The following SMAD3 variants were observed in gnomAD, a reference collection of about 807,000 sequenced individuals.
The protein encoded by SMAD3 is MAD homolog 3.
A neutral mutation model predicts 51.8 loss-of-function variants in SMAD3; 12 were observed. The ratio of observed to expected loss-of-function variants is 0.23; its 90% confidence interval spans 0.15 to 0.38. The LOEUF is 0.38. Among genes scored for constraint, SMAD3 ranks in the 10% least tolerant of loss-of-function variants. The probability of loss-of-function intolerance (pLI) is 1.00; values close to 1 mark genes in which losing one functional copy is unlikely to be tolerated. For missense variants in SMAD3, 294 were observed against 565.6 expected (o/e 0.52, Z 4.87); for synonymous variants, 238 against 227.7 (o/e 1.05, Z -0.41).
intron 1 of SMAD3, among the ~76,000 whole-genome samples, chr15:67,158,132 C>T (rs1962333448): frequency 6.6e-6 from 1 of 152,128 alleles, no homozygotes; most frequent in African/African-American, 2.4e-5. Flanking sequence ...TTTCTGCAAC[C>T]AAGTATATTT....
At chr15:67,128,835 A>G (rs576952287) in intron 1 of SMAD3, among the ~76,000 whole-genome samples, 21 of 152,130 alleles carry the variant, frequency 1.4e-4, no homozygotes, top group Non-Finnish European at 2.6e-4. Flanking sequence ...TCTGCCTCCA[A>G]AAGTGCCAGG....
Position 67,115,240 on chromosome 15 carries a change from C to T in SMAD3, c.206+48880C>T, listed in dbSNP as rs150648430. 3.3e-3 allele frequency among the ~76,000 whole-genome samples: 446 copies of T among 134,652 alleles called. 3 individuals carry two copies. The highest frequency in any genetic ancestry group is 0.011 in the African/African-American group (427 of 39,802). 88.3% of individuals were successfully genotyped at this position (134,652 alleles called of 152,430 possible). ...GTGCTTCATTACAAAGATGATGAGACGTAGGAAAGTCTTTTTTTTTTTCCC... is the reference window on the plus strand; with the variant it reads ...GTGCTTCATTACAAAGATGATGAGATGTAGGAAAGTCTTTTTTTTTTTCCC... On this transcript the variant is annotated intron_variant, in intron 1 of 8. Transcript: ENST00000327367.
At position 67,190,955 on chromosome 15, in the gene SMAD3, G is replaced by T. The variant is rs78329172; in HGVS notation, c.*419G>T. ...TGGAAGGGCGTTCTAGGTAGGAAGA[G>T]CCCGCAGGGCCATGCAGACCTCATG... is the stretch of plus-strand genomic sequence containing the variant. On this transcript the variant is annotated 3_prime_UTR_variant, in exon 9 of 9. Coordinates refer to ENST00000327367, the MANE Select transcript of SMAD3 (RefSeq NM_005902.4). 6.4e-3 allele frequency: 1,856 copies of T among 288,746 alleles called. 34 individuals are homozygous for T. The highest frequency in any genetic ancestry group is 0.036 in the African/African-American group (1,736 of 47,922). The allele number at this position is 288,746 out of a possible 1,614,324, so 17.9% of individuals were successfully genotyped here.
At chr15:67,175,805 C>T (rs1488293820) in intron 5 of SMAD3, among the ~76,000 whole-genome samples, 1 of 152,206 alleles carries the variant, frequency 6.6e-6, no homozygotes. Flanking sequence ...TGGACGGCGG[C>T]CCAGGGCAGA....
intron 1 of SMAD3, among the ~76,000 whole-genome samples, chr15:67,164,408 G>C (rs1005932199): frequency 2.0e-5 from 3 of 151,656 alleles, no homozygotes; most frequent in African/African-American, 4.8e-5. Context: ...GAAGACCTGA[G>C]TGAATGAGGG....
intron 1 of SMAD3, among the ~76,000 whole-genome samples, chr15:67,119,294 C>T (rs1358949889): frequency 6.6e-6 from 1 of 152,202 alleles, no homozygotes; most frequent in Non-Finnish European, 1.5e-5. Context: ...GTTTTAGATT[C>T]TGTAACCTGG....
In SMAD3 at chr15:67,192,866, C is replaced by T. The variant is rs555997375; in HGVS notation, c.*2330C>T. 5.6e-5 allele frequency: 13 copies of T among 233,384 alleles called. No homozygotes were observed. The highest frequency in any genetic ancestry group is 5.4e-4 in the South Asian group (3 of 5,530). 14.5% of individuals were successfully genotyped at this position (233,384 alleles called of 1,614,324 possible). ...TGTCTTAGAACCCTCATTGCTCAGA[C>T]CTGAAGGCTACTTCTAGGAGCATGA... On this transcript the variant is annotated 3_prime_UTR_variant, in exon 9 of 9. Transcript: ENST00000327367.
intron 1 of SMAD3, among the ~76,000 whole-genome samples, chr15:67,083,401 T>C (rs1017387713): frequency 1.3e-5 from 2 of 152,262 alleles, no homozygotes; most frequent in African/African-American, 4.8e-5. Flanking sequence ...CTGGGGTTCA[T>C]GTGGGAAGTG....
In SMAD3 at chr15:67,181,243, C is replaced by T. The variant is rs1566999319; in HGVS notation, c.661C>T (p.Leu221=). ...AGTAGCCCACCCTGTGTCCACAGAC[C>T]TGCAGCCAGTTACCTACTGCGAGCC... ...PMSPAHNNLD[L]QPVTYCEPAF... The change falls in exon 6 of 9, where the codon CTG becomes TTG. Residue 221 remains leucine (L), a splice_region_variant and synonymous_variant. Transcript: ENST00000327367. 6.2e-7 allele frequency: 1 copy of T among 1,612,438 alleles called. No individual in the cohort carries two copies. Among genetic ancestry groups the T allele is most frequent in the Non-Finnish European group, 8.5e-7 (1 of 1,179,824 alleles).
chr15:67,072,649 C>T (rs1033406536), intron 1 of SMAD3, among the ~76,000 whole-genome samples: 1 of 152,198 alleles, frequency 6.6e-6, no homozygotes, highest in Admixed American at 6.5e-5. Flanking sequence ...GCTGAATGTG[C>T]AGGGGGTGGA....
intron 1 of SMAD3, among the ~76,000 whole-genome samples, chr15:67,117,775 A>C (rs1365917187): frequency 6.6e-6 from 1 of 152,228 alleles, no homozygotes; most frequent in Non-Finnish European, 1.5e-5. Flanking sequence ...ATGTAATGAG[A>C]ATGTACAGAA....
At chr15:67,113,433 C>T (rs1203209600) in intron 1 of SMAD3, among the ~76,000 whole-genome samples, 2 of 152,028 alleles carry the variant, frequency 1.3e-5, no homozygotes, top group African/African-American at 4.8e-5. Flanking sequence ...AAAAAAGAAT[C>T]TGTGGTAACT....
chr15:67,170,360 C>T (rs1411530737), intron 4 of SMAD3, among the ~76,000 whole-genome samples, 194 bp from the exon 5 acceptor site: 1 of 152,142 alleles, frequency 6.6e-6, no homozygotes, highest in Non-Finnish European at 1.5e-5. Context: ...GCATTCATTC[C>T]AGACAAGAAA....
intron 3 of SMAD3, 200 bp from the exon 4 acceptor site, chr15:67,166,579 G>T (rs1370329656): frequency 9.2e-6 from 6 of 648,804 alleles, no homozygotes; most frequent in African/African-American, 1.8e-5. Context: ...AGCAAAGGCA[G>T]TTATGATCCA....
intron 7 of SMAD3, 97 bp from the exon 8 acceptor site, chr15:67,187,268 G>C: frequency 7.1e-7 from 1 of 1,406,652 alleles, no homozygotes; most frequent in Non-Finnish European, 1.0e-6. Context: ...GTATAAATGA[G>C]GCTGGTCTAG....
intron 1 of SMAD3, among the ~76,000 whole-genome samples, chr15:67,078,766 G>C (rs961324200): frequency 2.6e-5 from 4 of 152,172 alleles, no homozygotes; most frequent in Non-Finnish European, 5.9e-5. Flanking sequence ...GAGTGCCCTG[G>C]GTTCAAATCC....
At chr15:67,119,521 G>A (rs917374657) in intron 1 of SMAD3, among the ~76,000 whole-genome samples, 10 of 152,280 alleles carry the variant, frequency 6.6e-5, no homozygotes, top group South Asian at 2.1e-4. Flanking sequence ...GGTGGGGAGC[G>A]CATGGAGTGC....
Position 67,184,870 on chromosome 15 carries a change from C to T in SMAD3, c.1009+6C>T, listed in dbSNP as rs749052145. The T allele has an allele frequency of 6.8e-6, 11 of 1,612,442 alleles. No individual in the cohort carries two copies. Among genetic ancestry groups the T allele is most frequent in the South Asian group, 2.2e-5 (2 of 91,016 alleles). On this transcript the variant is annotated splice_donor_region_variant and intron_variant, in intron 7 of 8. Coordinates refer to ENST00000327367, the MANE Select transcript of SMAD3 (RefSeq NM_005902.4). ...CGTCTGCAAGATCCCACCAGGTAAA[C>T]GAGCCGCACAGGCACCCCTGCCTTG...
chr15:67,150,847 C>CTTTTTTTTTTTTTTTTTTT (rs58914503), intron 1 of SMAD3, among the ~76,000 whole-genome samples: 2 of 14,672 alleles, frequency 1.4e-4, no homozygotes, highest in Admixed American at 1.7e-3. Flanking sequence ...ATTTCTCAGT[C>CTTTTTTTTTTTTTTTTTTT]TTTTTTTTTT....
Sources: allele counts gnomAD v4.1 joint callset (sites outside exome capture counted in the v4.1 genomes callset), GRCh38; gene constraint gnomAD v4.1.1; transcripts MANE v1.5; gene names NCBI Gene and HGNC (gene_info 2026-07-23, HGNC 2026-07-21).